Variants in STON1 observed in about 807,000 individuals in gnomAD.
STON1 encodes stonin 1.
STON1 carries 79 observed loss-of-function variants against 60.9 expected under a neutral mutation model. The ratio of observed to expected loss-of-function variants is 1.30; its 90% confidence interval spans 1.08 to 1.56. STON1 has a LOEUF of 1.56. Ranked by LOEUF, STON1 falls within the 40% of genes most tolerant of loss-of-function variation. The pLI is 0.00. For missense variants in STON1, 1,166 were observed against 858.9 expected, an observed-to-expected ratio of 1.36 and a Z score of -4.47; for synonymous variants, 363 against 306.9, an observed-to-expected ratio of 1.18 and a Z score of -1.91.
At chr2:48,534,049 G>A (rs1311010818) in intron 1 of STON1, among the ~76,000 whole-genome samples, 6 of 152,120 alleles carry the variant, frequency 3.9e-5, no homozygotes, top group Non-Finnish European at 8.8e-5. Flanking sequence ...GATTATAGGT[G>A]TGAGCCACTG....
At chr2:48,564,394 G>T (rs1473349540) in intron 1 of STON1, among the ~76,000 whole-genome samples, 1 of 147,328 alleles carries the variant, frequency 6.8e-6, no homozygotes, top group Non-Finnish European at 1.5e-5. Flanking sequence ...TCCTCCAGTG[G>T]CAGTGGCGGT....
rs540758442 is a variant in STON1 at position 48,582,121 on chromosome 2, T to C, written c.1488T>C (p.Phe496=). The C allele has an allele frequency of 5.0e-6, 8 of 1,614,218 alleles. No individual in the cohort carries two copies. The African/African-American group carries it at 1.1e-4, about 22-fold the overall frequency. ...ATAAGTGTGTGAATGTACAAGAATT[T>C]GAGCAATCAAGAATCATTAAGTTTG... is the stretch of plus-strand genomic sequence containing the variant. ...HFHKCVNVQE[F]EQSRIIKFVP... is the part of the protein sequence containing the mutation. Residue 496 remains phenylalanine, a synonymous_variant, in exon 2 of 4, where the codon TTT becomes TTC. Transcript: ENST00000404752.
intron 1 of STON1, among the ~76,000 whole-genome samples, chr2:48,570,723 C>G (rs1673158003): frequency 6.6e-6 from 1 of 151,960 alleles, no homozygotes; most frequent in Admixed American, 6.6e-5. Context: ...AAAGAGGAAG[C>G]AAACACTTTC....
rs779854092 is a variant in STON1 at position 48,580,650 on chromosome 2, C to A, written c.17C>A (p.Pro6Gln). The change falls in exon 2 of 4, where the codon CCA becomes CAA. Residue 6 changes from proline (P) to glutamine (Q), a missense_variant. Pro to Gln is a moderately conservative substitution (Grantham distance 76, BLOSUM62 -1). Transcript: ENST00000404752. MCSTNPGKWVTFDDDP... is the reference protein window; with the variant it reads MCSTNQGKWVTFDDDP... The stretch of plus-strand genomic sequence containing the variant: ...ATCCCAAAGATGTGCTCCACAAATC[C>A]AGGCAAATGGGTCACCTTTGATGAT... 1 of 1,370,066 alleles carries A rather than the reference C, an allele frequency of 7.3e-7. No homozygotes were observed. The highest frequency in any genetic ancestry group is 9.5e-7 in the Non-Finnish European group (1 of 1,055,568). 84.9% of individuals were successfully genotyped at this position (1,370,066 alleles called of 1,614,324 possible).
In STON1 at chr2:48,566,494, G is replaced by T. The variant is rs140704169; in HGVS notation, c.-47-14093G>T. Among the ~76,000 whole-genome samples, 1,040 of 151,618 alleles carry T rather than the reference G, an allele frequency of 6.9e-3. 8 individuals are homozygous for T. The highest frequency in any genetic ancestry group is 0.025 in the African/African-American group (1,008 of 40,938). ...GACGGGGTTTCACCATGTTGGTCAGGCTGGTCTCAATCTTCTGACGTCGGG... is the reference window on the plus strand; with the variant it reads ...GACGGGGTTTCACCATGTTGGTCAGTCTGGTCTCAATCTTCTGACGTCGGG... On this transcript the variant is annotated intron_variant, in intron 1 of 3. Coordinates refer to ENST00000404752, the MANE Select transcript of STON1 (RefSeq NM_006873.4).
At chr2:48,560,336 G>A (rs995097979) in intron 1 of STON1, among the ~76,000 whole-genome samples, 1 of 152,204 alleles carries the variant, frequency 6.6e-6, no homozygotes. Flanking sequence ...TGAGAATTCA[G>A]AATCAAAATT....
chr2:48,566,333 G>T (rs528501738), intron 1 of STON1, among the ~76,000 whole-genome samples: 2 of 152,084 alleles, frequency 1.3e-5, no homozygotes, highest in Non-Finnish European at 2.9e-5. Flanking sequence ...CCACCACCAC[G>T]CCCGGCTAAT....
chr2:48,547,703 A>T (rs538496923), intron 1 of STON1, among the ~76,000 whole-genome samples: 144 of 152,370 alleles, frequency 9.5e-4, no homozygotes, highest in African/African-American at 3.2e-3. Context: ...AAGGGTGGTC[A>T]AGTGAAAAGT....
intron 1 of STON1, among the ~76,000 whole-genome samples, chr2:48,562,687 TGA>T (rs1558601295): frequency 6.6e-6 from 1 of 152,232 alleles, no homozygotes; most frequent in East Asian, 1.9e-4. Flanking sequence ...CTTTTTGGGT[TGA>T]GCCTTTGCTG....
At chr2:48,545,037 T>A (rs1241074344) in intron 1 of STON1, among the ~76,000 whole-genome samples, 2 of 152,174 alleles carry the variant, frequency 1.3e-5, no homozygotes, top group Non-Finnish European at 2.9e-5. Context: ...CTCTTGTTAG[T>A]CTTGGTTTCA....
intron 1 of STON1, among the ~76,000 whole-genome samples, chr2:48,538,239 G>A (rs1671509995): frequency 6.6e-6 from 1 of 152,182 alleles, no homozygotes; most frequent in African/African-American, 2.4e-5. Flanking sequence ...TTACAGGCAT[G>A]AGCCACCGTG....
chr2:48,533,343 G>T (rs1671290493), intron 1 of STON1, among the ~76,000 whole-genome samples: 1 of 151,848 alleles, frequency 6.6e-6, no homozygotes, highest in African/African-American at 2.4e-5. Flanking sequence ...CTGCACCACT[G>T]CACTTCAGCC....
At chr2:48,534,507 A>G (rs1332716696) in intron 1 of STON1, among the ~76,000 whole-genome samples, 2 of 152,178 alleles carry the variant, frequency 1.3e-5, no homozygotes, top group Non-Finnish European at 2.9e-5. Flanking sequence ...AGAAAAGGAA[A>G]GGGAAAATGT....
chr2:48,550,242 A>C (rs1348803113), intron 1 of STON1, among the ~76,000 whole-genome samples: 1 of 152,114 alleles, frequency 6.6e-6, no homozygotes, highest in African/African-American at 2.4e-5. Flanking sequence ...TCATGCTTGT[A>C]TTCCCAGCAC....
chr2:48,569,986 A>G (rs1456353651), intron 1 of STON1, among the ~76,000 whole-genome samples: 1 of 152,194 alleles, frequency 6.6e-6, no homozygotes, highest in Admixed American at 6.5e-5. Context: ...TGTTTGTGAA[A>G]GATGTATTTT....
chr2:48,581,666 C>G lies in STON1; in HGVS notation c.1033C>G (p.His345Asp). The G allele has an allele frequency of 2.5e-6, 4 of 1,613,658 alleles. No homozygotes were observed. Among genetic ancestry groups the G allele is most frequent in the Non-Finnish European group, 3.4e-6 (4 of 1,179,896 alleles). The change falls in exon 2 of 4, where the codon CAC becomes GAC. Residue 345 changes from histidine (H) to aspartate (D), a missense_variant. Coordinates refer to ENST00000404752, the MANE Select transcript of STON1 (RefSeq NM_006873.4). ...GAACTTCAGTGTAGCAGGAAAAATC[C>G]ACACTGTGAAGATTGAACATGTGTC... ...VENFSVAGKI[H>D]TVKIEHVSYT...
At chr2:48,552,606 T>C (rs532822974) in intron 1 of STON1, among the ~76,000 whole-genome samples, 126 of 150,280 alleles carry the variant, frequency 8.4e-4, no homozygotes, top group African/African-American at 3.0e-3. Context: ...CTACTAAAAA[T>C]ACAAAAAAAA....
intron 1 of STON1, among the ~76,000 whole-genome samples, chr2:48,541,178 C>A (rs756240069): frequency 3.3e-5 from 5 of 151,658 alleles, no homozygotes; most frequent in African/African-American, 4.9e-5. Flanking sequence ...TGGTGAAACC[C>A]TGTCTCTACT....
chr2:48,571,684 G>C (rs762398464), intron 1 of STON1, among the ~76,000 whole-genome samples: 23 of 152,202 alleles, frequency 1.5e-4, no homozygotes, highest in Non-Finnish European at 3.1e-4. Flanking sequence ...GCTCTGGACA[G>C]GGTGTGGCCC....
Sources: gnomAD v4.1 joint callset for allele counts (sites outside exome capture counted in the v4.1 genomes callset) on GRCh38, gnomAD v4.1.1 for gene constraint, MANE v1.5 for transcripts, NCBI Gene and HGNC (gene_info 2026-07-23, HGNC 2026-07-21) for gene names.